Variants in GRM7 observed in about 807,000 individuals in gnomAD.
GRM7 encodes the protein glutamate metabotropic receptor 7.
Under a neutral mutation model 84.5 loss-of-function variants are expected in GRM7, and 35 were observed. The ratio of observed to expected loss-of-function variants is 0.41; its 90% CI spans 0.32 to 0.55. The LOEUF (loss-of-function observed/expected upper bound fraction) is 0.55, where lower values mean the gene tolerates loss of function less well. Among genes scored for constraint, GRM7 ranks in the 20% least tolerant of loss-of-function variants. The pLI, the probability that GRM7 is intolerant of heterozygous loss-of-function variation, is 0.19. For synonymous variants in GRM7, 487 were observed against 455.1 expected (o/e 1.07, Z -0.89); for missense variants, 1,003 against 1,194.6 (o/e 0.84, Z 2.36).
At chr3:7,098,234 T>G (rs1011367991) in intron 1 of GRM7, among the ~76,000 whole-genome samples, 1 of 152,062 alleles carries the variant, frequency 6.6e-6, no homozygotes, top group Admixed American at 6.6e-5. Flanking sequence ...TTGAATAACT[T>G]GATAAATGAA....
At chr3:6,902,883 C>CACACA (rs1287165184) in intron 1 of GRM7, among the ~76,000 whole-genome samples, 12,849 of 131,382 alleles carry the variant, frequency 0.098, 650 homozygotes, top group Non-Finnish European at 0.14. Flanking sequence ...ACACACACAC[C>CACACA]CCTACTCTAG....
At chr3:6,995,996 G>T (rs186815338) in intron 1 of GRM7, among the ~76,000 whole-genome samples, 1 of 152,066 alleles carries the variant, frequency 6.6e-6, no homozygotes, top group East Asian at 1.9e-4. Context: ...TCATGAAAAC[G>T]CATCCAGCCA....
intron 1 of GRM7, among the ~76,000 whole-genome samples, chr3:6,888,579 C>G (rs908500541): frequency 6.6e-6 from 1 of 152,014 alleles, no homozygotes; most frequent in African/African-American, 2.4e-5. Context: ...CTGTTCTGTT[C>G]CATTGATCTA....
intron 9 of GRM7, among the ~76,000 whole-genome samples, chr3:7,711,108 C>T (rs760330154): frequency 7.2e-5 from 11 of 151,946 alleles, no homozygotes; most frequent in African/African-American, 1.5e-4. Flanking sequence ...GTGGTATCCA[C>T]GATAAATCTT....
At chr3:7,603,565 G>A (rs1379815746) in intron 8 of GRM7, among the ~76,000 whole-genome samples, 1 of 152,100 alleles carries the variant, frequency 6.6e-6, no homozygotes, top group Non-Finnish European at 1.5e-5. Context: ...CACAGAGTTG[G>A]TGACTTATAT....
At chr3:6,961,630 C>A (rs570878277) in intron 1 of GRM7, among the ~76,000 whole-genome samples, 1 of 152,306 alleles carries the variant, frequency 6.6e-6, no homozygotes, top group South Asian at 2.1e-4. Flanking sequence ...ATTGATTCTA[C>A]TTATTTCATT....
intron 1 of GRM7, among the ~76,000 whole-genome samples, chr3:6,916,849 T>C (rs1320943961): frequency 6.6e-6 from 1 of 152,156 alleles, no homozygotes; most frequent in Non-Finnish European, 1.5e-5. Context: ...TTCTCAATCC[T>C]GATATGTAAG....
intron 1 of GRM7, among the ~76,000 whole-genome samples, chr3:6,952,504 G>T (rs1196186828): frequency 1.3e-5 from 2 of 152,106 alleles, no homozygotes; most frequent in Non-Finnish European, 2.9e-5. Context: ...CTCTCCAGTT[G>T]CCTCTGTGAC....
chr3:7,533,567 A>G (rs750965614), intron 7 of GRM7, among the ~76,000 whole-genome samples: 2 of 152,168 alleles, frequency 1.3e-5, no homozygotes, highest in African/African-American at 2.4e-5. Flanking sequence ...TGTGGCCCCA[A>G]GGAGCAAGCC....
intron 1 of GRM7, among the ~76,000 whole-genome samples, chr3:6,881,921 TTGTGTG>T (rs3060190): frequency 5.9e-4 from 86 of 144,694 alleles, no homozygotes; most frequent in Non-Finnish European, 7.3e-4. Flanking sequence ...GGCAATTGAA[TTGTGTG>T]TGTGTGTGTG....
At chr3:7,721,262 GT>G (rs1459769338) in intron 9 of GRM7, among the ~76,000 whole-genome samples, 1 of 152,164 alleles carries the variant, frequency 6.6e-6, no homozygotes, top group East Asian at 1.9e-4. Flanking sequence ...ACAGTTTTCA[GT>G]TTTTGGTCAA....
intron 7 of GRM7, among the ~76,000 whole-genome samples, chr3:7,500,448 G>A (rs56776999): frequency 0.055 from 8,405 of 152,268 alleles, 657 homozygotes; most frequent in African/African-American, 0.17. Flanking sequence ...TCTTCTGCCA[G>A]GGGGCCAGTT....
At chr3:7,193,603 A>G (rs1305682606) in intron 2 of GRM7, among the ~76,000 whole-genome samples, 1 of 152,006 alleles carries the variant, frequency 6.6e-6, no homozygotes, top group African/African-American at 2.4e-5. Flanking sequence ...CCTTTAAAAC[A>G]TCTATGATGT....
chr3:7,652,446 G>A (rs948544231), intron 8 of GRM7, among the ~76,000 whole-genome samples: 1 of 152,198 alleles, frequency 6.6e-6, no homozygotes, highest in Non-Finnish European at 1.5e-5. Context: ...AAGGACTCTG[G>A]GTAGAAGATG....
intron 4 of GRM7, among the ~76,000 whole-genome samples, chr3:7,410,703 A>G (rs981346204): frequency 7.2e-5 from 11 of 151,912 alleles, no homozygotes; most frequent in Non-Finnish European, 5.9e-5. Context: ...CAAAAGAGAA[A>G]GGACAAGACA....
At chr3:7,400,691 C>G (rs1259904210) in intron 4 of GRM7, among the ~76,000 whole-genome samples, 1 of 152,158 alleles carries the variant, frequency 6.6e-6, no homozygotes, top group African/African-American at 2.4e-5. Context: ...TGGCATTTTT[C>G]TTCATCTCTG....
chr3:7,625,007 A>T (rs6799329), intron 8 of GRM7, among the ~76,000 whole-genome samples: 9 of 151,972 alleles, frequency 5.9e-5, no homozygotes, highest in Non-Finnish European at 1.0e-4. Flanking sequence ...CAATGCTAAT[A>T]TGCTTCCAGA....
chr3:6,960,194 C>G (rs143505562), intron 1 of GRM7, among the ~76,000 whole-genome samples: 2 of 152,178 alleles, frequency 1.3e-5, no homozygotes, highest in East Asian at 3.9e-4. Context: ...TGAGCCACCC[C>G]CAATCCATTC....
intron 1 of GRM7, among the ~76,000 whole-genome samples, chr3:7,109,882 C>A (rs1383268184): frequency 6.6e-6 from 1 of 151,964 alleles, no homozygotes; most frequent in Non-Finnish European, 1.5e-5. Flanking sequence ...GCCATAAATC[C>A]AATCTTCTCA....
Sources: gnomAD v4.1 joint callset for allele counts (sites outside exome capture counted in the v4.1 genomes callset) on GRCh38, gnomAD v4.1.1 for gene constraint, MANE v1.5 for transcripts, NCBI Gene and HGNC (gene_info 2026-07-23, HGNC 2026-07-21) for gene names.